The following LCLAT1 variants were observed in gnomAD, a reference collection of about 807,000 sequenced individuals.
LCLAT1 encodes the protein lysocardiolipin acyltransferase 1, also known as 1-AGP acyltransferase 8.
Under a neutral mutation model 30.7 loss-of-function variants are expected in LCLAT1, and 11 were observed. That is an observed-to-expected ratio of 0.36 (90% CI 0.23 to 0.59). LCLAT1 has a LOEUF of 0.59. Ranked by LOEUF, LCLAT1 falls within the 20% of genes least tolerant of loss-of-function variation. LCLAT1 has a pLI of 0.77. For synonymous variants in LCLAT1, 155 were observed against 151.3 expected, an observed-to-expected ratio of 1.02 and a Z score of -0.18; for missense variants, 402 against 458.6, an observed-to-expected ratio of 0.88 and a Z score of 1.13.
chr2:30,582,387 A>G (rs1666245428), intron 5 of LCLAT1, among the ~76,000 whole-genome samples: 2 of 152,222 alleles, frequency 1.3e-5, no homozygotes, highest in Non-Finnish European at 2.9e-5. Flanking sequence ...CTTGAAGAAT[A>G]TTATTTTATG....
intron 5 of LCLAT1, among the ~76,000 whole-genome samples, chr2:30,585,365 A>G (rs568468317): frequency 6.6e-6 from 1 of 152,240 alleles, no homozygotes; most frequent in South Asian, 2.1e-4. Context: ...ACCCTTCACT[A>G]CATCCTCTGC....
intron 1 of LCLAT1, among the ~76,000 whole-genome samples, chr2:30,504,115 T>C (rs923744364): frequency 3.3e-5 from 5 of 151,970 alleles, no homozygotes; most frequent in Non-Finnish European, 5.9e-5. Flanking sequence ...TATGTGTGTG[T>C]ATATATAAAC....
Position 30,521,489 on chromosome 2 carries a change from C to CTTTTTTTTTTTTTTTTTT in LCLAT1, c.-4-4096_-4-4095insTTTTTTTTTTTTTTTTTT, listed in dbSNP as rs1262784785. Among the ~76,000 whole-genome samples the CTTTTTTTTTTTTTTTTTT allele has an allele frequency of 1.3e-4, 7 of 55,566 alleles. 2 individuals are homozygous for CTTTTTTTTTTTTTTTTTT. The highest frequency in any genetic ancestry group is 1.3e-4 in the Non-Finnish European group (4 of 31,276). The allele number at this position is 55,566 out of a possible 152,430, so 36.5% of individuals were successfully genotyped here. A position where few individuals can be genotyped will look rare whatever the true frequency, so the allele number is the denominator to read the frequency against. On this transcript the variant is annotated intron_variant, in intron 1 of 5. Coordinates refer to ENST00000379509, the MANE Select transcript of LCLAT1 (RefSeq NM_001002257.3). ...GTTTCCTCAACCCCCTAAACTACTTCTTCTTTTTTTTTTTTTTTTTTTTTT... is the reference window on the plus strand; with the variant it reads ...GTTTCCTCAACCCCCTAAACTACTTCTTTTTTTTTTTTTTTTTTTTCTTTTTTTTTTTTTTTTTTTTTT...
intron 1 of LCLAT1, among the ~76,000 whole-genome samples, chr2:30,455,807 G>A (rs1681803897): frequency 6.6e-6 from 1 of 151,542 alleles, no homozygotes; most frequent in Admixed American, 6.6e-5. Context: ...CTACTTGGGA[G>A]GCTGCGGCAG....
chr2:30,599,999 TCA>T (rs1246036265), intron 5 of LCLAT1, among the ~76,000 whole-genome samples: 2 of 152,220 alleles, frequency 1.3e-5, no homozygotes, highest in Non-Finnish European at 2.9e-5. Flanking sequence ...TGTAGTTGTT[TCA>T]CAGTGTCATT....
chr2:30,465,125 G>C (rs1682356131), intron 1 of LCLAT1, among the ~76,000 whole-genome samples: 1 of 152,148 alleles, frequency 6.6e-6, no homozygotes, highest in Non-Finnish European at 1.5e-5. Flanking sequence ...AAAAAAAATG[G>C]TTTTTGTAAT....
At chr2:30,638,430 C>A (rs921263550) in intron 5 of LCLAT1, among the ~76,000 whole-genome samples, 1 of 152,196 alleles carries the variant, frequency 6.6e-6, no homozygotes, top group Admixed American at 6.5e-5. Context: ...CCCTTCTCAT[C>A]GTTTCCCACC....
In LCLAT1 at chr2:30,476,667, C is replaced by T. The variant is rs913786099; in HGVS notation, c.-5+29284C>T. Reference sequence around the variant, plus strand: ...TGTATAATTATTTCATTATATATTACAGTGTAGTAGTAATAGTGGAAATAA... The same window carrying T: ...TGTATAATTATTTCATTATATATTATAGTGTAGTAGTAATAGTGGAAATAA... On this transcript the variant is annotated intron_variant, in intron 1 of 5. Coordinates refer to ENST00000379509, the MANE Select transcript of LCLAT1 (RefSeq NM_001002257.3). 3.2e-5 allele frequency: 12 copies of T among 378,552 alleles called. No homozygotes were observed. The East Asian group carries it at 8.6e-4, about 27-fold the overall frequency. 23.4% of individuals were successfully genotyped at this position (378,552 alleles called of 1,614,324 possible). A position where few individuals can be genotyped will look rare whatever the true frequency, so the allele number is the denominator to read the frequency against.
chr2:30,455,136 T>G (rs1192308372), intron 1 of LCLAT1, among the ~76,000 whole-genome samples: 1 of 150,518 alleles, frequency 6.6e-6, no homozygotes, highest in Non-Finnish European at 1.5e-5. Flanking sequence ...AAAGCCGTAT[T>G]TATTTCTCTT....
At position 30,504,127 on chromosome 2, in the gene LCLAT1, CAT is replaced by C. The variant is rs535499286; in HGVS notation, c.-4-21455_-4-21454del. Among the ~76,000 whole-genome samples, 985 of 151,752 alleles carry C rather than the reference CAT, an allele frequency of 6.5e-3. 16 individuals carry two copies. The highest frequency in any genetic ancestry group is 0.023 in the African/African-American group (934 of 41,354). On this transcript the variant is annotated intron_variant, in intron 1 of 5. Coordinates refer to ENST00000379509, the MANE Select transcript of LCLAT1 (RefSeq NM_001002257.3). ...ATATATGTGTGTGTATATATAAACA[CAT>C]ATATTACACATATATACACAACATA... is the stretch of plus-strand genomic sequence containing the variant.
intron 5 of LCLAT1, among the ~76,000 whole-genome samples, chr2:30,577,276 T>C (rs1391244263): frequency 6.6e-6 from 1 of 151,986 alleles, no homozygotes; most frequent in African/African-American, 2.4e-5. Flanking sequence ...GTGTAAGACG[T>C]TGAAAGAATG....
intron 1 of LCLAT1, among the ~76,000 whole-genome samples, chr2:30,522,598 CAT>C (rs1685530478): frequency 6.6e-6 from 1 of 152,156 alleles, no homozygotes. Flanking sequence ...AGATGACTAA[CAT>C]AGTGCCTGGC....
intron 1 of LCLAT1, among the ~76,000 whole-genome samples, chr2:30,517,084 C>T (rs746156066): frequency 2.0e-5 from 3 of 152,224 alleles, no homozygotes; most frequent in Non-Finnish European, 2.9e-5. Context: ...CCCTACCTCT[C>T]CTTTTGACCC....
At chr2:30,626,673 T>A (rs1668526007) in intron 5 of LCLAT1, among the ~76,000 whole-genome samples, 1 of 152,072 alleles carries the variant, frequency 6.6e-6, no homozygotes. Flanking sequence ...TTTCTCTTTC[T>A]CTTTCCATTT....
intron 5 of LCLAT1, among the ~76,000 whole-genome samples, chr2:30,575,658 A>G (rs531479827): frequency 6.6e-6 from 1 of 152,182 alleles, no homozygotes; most frequent in Non-Finnish European, 1.5e-5. Flanking sequence ...TTTTTTTTCT[A>G]GATTATGTAT....
At chr2:30,533,719 G>A (rs561534644) in intron 3 of LCLAT1, among the ~76,000 whole-genome samples, 2 of 152,278 alleles carry the variant, frequency 1.3e-5, no homozygotes, top group South Asian at 4.2e-4. Flanking sequence ...ATGTAGGTTC[G>A]AAGCATTCAT....
chr2:30,476,091 G>C (rs1158512299), intron 1 of LCLAT1, among the ~76,000 whole-genome samples: 1 of 152,174 alleles, frequency 6.6e-6, no homozygotes, highest in Non-Finnish European at 1.5e-5. Flanking sequence ...AGGTAGTATA[G>C]GTCATAGATG....
Position 30,642,758 on chromosome 2 carries a change from C to G in LCLAT1, c.*2139C>G, listed in dbSNP as rs192091067. On this transcript the variant is annotated 3_prime_UTR_variant, in exon 6 of 6. Transcript: ENST00000379509. ...AAACATGTTTAAGATAAAATACAAA[C>G]TTTACCTACCCCAAATTCATAAAGT... The G allele has an allele frequency of 6.8e-6, 1 of 147,000 alleles. No homozygotes were observed. The highest frequency in any genetic ancestry group is 2.5e-5 in the African/African-American group (1 of 39,362). The allele number at this position is 147,000 out of a possible 1,614,324, so 9.1% of individuals were successfully genotyped here. A position where few individuals can be genotyped will look rare whatever the true frequency, so the allele number is the denominator to read the frequency against.
At chr2:30,532,525 C>T (rs1293227216) in intron 2 of LCLAT1, among the ~76,000 whole-genome samples, 1 of 151,880 alleles carries the variant, frequency 6.6e-6, no homozygotes, top group Non-Finnish European at 1.5e-5. Context: ...TATACCTGGC[C>T]CATCAGAAAA....
Sources: allele counts gnomAD v4.1 joint callset (sites outside exome capture counted in the v4.1 genomes callset), GRCh38; gene constraint gnomAD v4.1.1; transcripts MANE v1.5; gene names NCBI Gene and HGNC (gene_info 2026-07-23, HGNC 2026-07-21).